The following USH2A variants were observed in gnomAD, a reference collection of about 807,000 sequenced individuals.
USH2A encodes the protein usherin, also known as Usher syndrome 2A (autosomal recessive, mild).
Under a neutral mutation model 538.9 loss-of-function variants are expected in USH2A, and 443 were observed. The observed-to-expected ratio is 0.82, with a 90% CI of 0.76 to 0.89. The LOEUF (loss-of-function observed/expected upper bound fraction) is 0.89. Among genes scored for constraint, USH2A ranks in the 40% least tolerant of loss-of-function variants. USH2A has a pLI of 0.00. For synonymous variants in USH2A, 2,413 were observed against 2,273.5 expected (o/e 1.06, Z -1.75); for missense variants, 6,633 against 6,324.8 (o/e 1.05, Z -1.65).
intron 46 of USH2A, among the ~76,000 whole-genome samples, chr1:215,840,798 A>G (rs1663657251): frequency 6.6e-6 from 1 of 152,212 alleles, no homozygotes; most frequent in Non-Finnish European, 1.5e-5. Context: ...ACACTGGTCA[A>G]AAGAAGACAA....
chr1:216,239,695 A>C (rs1184397838), intron 13 of USH2A, among the ~76,000 whole-genome samples: 2 of 152,162 alleles, frequency 1.3e-5, no homozygotes, highest in Non-Finnish European at 2.9e-5. Context: ...CTGTCTGTTG[A>C]GAAGTGATGG....
intron 43 of USH2A, among the ~76,000 whole-genome samples, chr1:215,872,612 A>G (rs1481628491): frequency 1.3e-5 from 2 of 152,114 alleles, no homozygotes; most frequent in African/African-American, 2.4e-5. Context: ...CTGTGACAAA[A>G]CACATCCTTC....
intron 38 of USH2A, among the ~76,000 whole-genome samples, chr1:215,933,517 A>C (rs1038277068): frequency 6.6e-6 from 1 of 152,046 alleles, no homozygotes; most frequent in African/African-American, 2.4e-5. Context: ...ACATCAATTC[A>C]TTAATTTTAA....
At chr1:215,899,844 G>C (rs527861263) in intron 40 of USH2A, among the ~76,000 whole-genome samples, 1 of 152,238 alleles carries the variant, frequency 6.6e-6, no homozygotes, top group East Asian at 1.9e-4. Context: ...AATTTATAGT[G>C]AATTACTTTG....
In USH2A at chr1:216,093,553, C is replaced by T. The variant is rs113287200; in HGVS notation, c.4758+3530G>A. On this transcript the variant is annotated intron_variant, in intron 22 of 71. Coordinates refer to ENST00000307340, the MANE Select transcript of USH2A (RefSeq NM_206933.4). ...GATGAGTTTCCTGGCAGCCATTCTC[C>T]GTTAAGCAGTTTGACCCCTTTACCC... Among the ~76,000 whole-genome samples the T allele has an allele frequency of 1.0e-3, 159 of 152,258 alleles. 1 individual carries two copies. Among genetic ancestry groups the T allele is most frequent in the Middle Eastern group, 3.4e-3 (1 of 292 alleles).
intron 3 of USH2A, among the ~76,000 whole-genome samples, chr1:216,392,677 G>A (rs1355464859): frequency 6.6e-6 from 1 of 151,592 alleles, no homozygotes; most frequent in Non-Finnish European, 1.5e-5. Flanking sequence ...AAAAAAGTGA[G>A]CAGACAAAAT....
chr1:215,744,311 T>G (rs1660401832), intron 58 of USH2A, among the ~76,000 whole-genome samples: 1 of 152,228 alleles, frequency 6.6e-6, no homozygotes, highest in Non-Finnish European at 1.5e-5. Flanking sequence ...TTTTCACCAT[T>G]CCTTCCTAAA....
chr1:215,951,056 G>A (rs969274163), intron 37 of USH2A, among the ~76,000 whole-genome samples: 4,836 of 151,814 alleles, frequency 0.032, 116 homozygotes, highest in South Asian at 0.083. Flanking sequence ...TATGTCTTCC[G>A]GTTCTACTCT....
At chr1:215,629,544 G>A (rs1656187904) in intron 70 of USH2A, among the ~76,000 whole-genome samples, 1 of 152,044 alleles carries the variant, frequency 6.6e-6, no homozygotes, top group Non-Finnish European at 1.5e-5. Flanking sequence ...GATTTGTGTA[G>A]GGAAATTGAC....
intron 4 of USH2A, among the ~76,000 whole-genome samples, chr1:216,332,623 G>T (rs2037890815): frequency 1.3e-5 from 2 of 152,110 alleles, no homozygotes; most frequent in South Asian, 2.1e-4. Flanking sequence ...AGTGTTGATG[G>T]CATTCTGCAA....
intron 60 of USH2A, among the ~76,000 whole-genome samples, chr1:215,735,346 G>A (rs1258516500): frequency 2.0e-5 from 3 of 152,106 alleles, no homozygotes; most frequent in Non-Finnish European, 4.4e-5. Flanking sequence ...TAGTTACCTA[G>A]TTAACAAATT....
chr1:216,189,331 T>C (rs777099234), intron 20 of USH2A, among the ~76,000 whole-genome samples: 8 of 151,764 alleles, frequency 5.3e-5, no homozygotes, highest in Non-Finnish European at 1.0e-4. Flanking sequence ...GGGGAGGAGG[T>C]CTAGGAAATG....
intron 40 of USH2A, among the ~76,000 whole-genome samples, 183 bp downstream of exon 40, chr1:215,899,892 C>A (rs1267140743): frequency 1.3e-5 from 2 of 152,102 alleles, no homozygotes; most frequent in Admixed American, 1.3e-4. Context: ...CCTCCAAGAC[C>A]ACATTATTCT....
At chr1:215,923,264 C>G (rs927307128) in intron 38 of USH2A, among the ~76,000 whole-genome samples, 1 of 151,934 alleles carries the variant, frequency 6.6e-6, no homozygotes, top group Non-Finnish European at 1.5e-5. Flanking sequence ...AACAAACAAA[C>G]AAACAAAAAA....
At chr1:216,041,367 C>T (rs2030265627) in intron 32 of USH2A, among the ~76,000 whole-genome samples, 1 of 151,978 alleles carries the variant, frequency 6.6e-6, no homozygotes, top group East Asian at 1.9e-4. Flanking sequence ...ACTTTTAATG[C>T]TTCATATTTA....
intron 14 of USH2A, among the ~76,000 whole-genome samples, chr1:216,226,681 G>A (rs1310255386): frequency 1.3e-5 from 2 of 151,988 alleles, no homozygotes; most frequent in Admixed American, 6.6e-5. Flanking sequence ...TTTTCTTTTC[G>A]ACTGGTTGCT....
chr1:215,680,950 T>C (rs916715116), intron 61 of USH2A, among the ~76,000 whole-genome samples: 3 of 152,168 alleles, frequency 2.0e-5, no homozygotes, highest in Non-Finnish European at 2.9e-5. Context: ...AATTCAACTA[T>C]ACATGTACAA....
At chr1:216,243,399 T>C (rs1271752746) in intron 13 of USH2A, among the ~76,000 whole-genome samples, 1 of 152,236 alleles carries the variant, frequency 6.6e-6, no homozygotes, top group Non-Finnish European at 1.5e-5. Flanking sequence ...GTGTAGGACA[T>C]TCCTAGTATA....
chr1:215,960,710 A>G (rs978652051), intron 37 of USH2A, among the ~76,000 whole-genome samples: 42 of 152,272 alleles, frequency 2.8e-4, no homozygotes, highest in East Asian at 1.5e-3. Context: ...ACATTCTAAT[A>G]TAACCAAGTG....
Sources: gnomAD v4.1 joint callset for allele counts (sites outside exome capture counted in the v4.1 genomes callset) on GRCh38, gnomAD v4.1.1 for gene constraint, MANE v1.5 for transcripts, NCBI Gene and HGNC (gene_info 2026-07-23, HGNC 2026-07-21) for gene names.